Variants in TMEM40 observed in about 807,000 individuals in gnomAD.
TMEM40 encodes the protein transmembrane protein 40.
In TMEM40, 34 loss-of-function variants were observed where a neutral mutation model predicts 40.8. That is an observed-to-expected ratio of 0.83 (90% confidence interval 0.63 to 1.11). The LOEUF is 1.11. Ranked by LOEUF, TMEM40 falls within the 50% of genes least tolerant of loss-of-function variation. The pLI, the probability that TMEM40 is intolerant of heterozygous loss-of-function variation, is 0.00. For missense variants in TMEM40, 296 were observed against 280.2 expected (o/e 1.06, Z -0.40); for synonymous variants, 106 against 107.0 (o/e 0.99, Z 0.06).
chr3:12,755,213 T>TTCTTTCTTTCTC (rs1553634015), intron 1 of TMEM40, among the ~76,000 whole-genome samples: 9 of 94,316 alleles, frequency 9.5e-5, no homozygotes, highest in African/African-American at 3.5e-4. Context: ...CTTTCTTTCT[T>TTCTTTCTTTCTC]TCTCTCTCTC....
In TMEM40 at chr3:12,743,948, G is replaced by A. The variant is rs140722236; in HGVS notation, c.253C>T (p.His85Tyr). The A allele has an allele frequency of 1.1e-5, 17 of 1,613,450 alleles. No individual in the cohort carries two copies. Among genetic ancestry groups the A allele is most frequent in the African/African-American group, 6.7e-5 (5 of 74,926 alleles). ...TATCCAGCCCCCAGGCTCCGTCGAT[G>A]TTTTCCGGTTGCTCTGGGTTGCTGG... ...EDQQPRATGK[H>Y]RRSLGAGYPH... The change falls in exon 4 of 12, where the codon CAT (histidine) becomes TAT (tyrosine). Residue 85 changes from histidine (H) to tyrosine (Y), a missense_variant. Transcript: ENST00000314124.
At chr3:12,744,100 GGT>G in intron 3 of TMEM40, 111 bp from the exon 4 acceptor site, 1 of 1,111,088 alleles carries the variant, frequency 9.0e-7, no homozygotes. Flanking sequence ...AGTGTGGTTT[GGT>G]GGGAGGAACT....
intron 1 of TMEM40, among the ~76,000 whole-genome samples, chr3:12,766,598 A>G (rs1397396004): frequency 6.6e-6 from 1 of 151,864 alleles, no homozygotes; most frequent in Non-Finnish European, 1.5e-5. Context: ...CCATCTCAAA[A>G]AAAAAAAAAA....
At chr3:12,745,673 T>C (rs543964126) in intron 3 of TMEM40, among the ~76,000 whole-genome samples, 1 of 152,168 alleles carries the variant, frequency 6.6e-6, no homozygotes, top group Non-Finnish European at 1.5e-5. Flanking sequence ...GGTCTCGAAC[T>C]CCTGGACTCA....
chr3:12,759,973 A>C (rs1040980964), upstream of TMEM40, among the ~76,000 whole-genome samples: 1 of 17,316 alleles, frequency 5.8e-5, no homozygotes, highest in Non-Finnish European at 1.0e-4. Context: ...CTTGGAGGGA[A>C]ACAGGCAAGG....
At chr3:12,741,545 A>G (rs2061381445) in intron 5 of TMEM40, among the ~76,000 whole-genome samples, 1 of 152,208 alleles carries the variant, frequency 6.6e-6, no homozygotes. Context: ...CAAGCAATGT[A>G]ATTTACCAAG....
intron 6 of TMEM40, 78 bp from the exon 7 acceptor site, chr3:12,738,246 A>G: frequency 6.6e-7 from 1 of 1,503,870 alleles, no homozygotes; most frequent in East Asian, 2.3e-5. Flanking sequence ...GGGGAAGGCT[A>G]TAGGTGACCT....
At chr3:12,736,484 C>G (rs1313237150) in intron 10 of TMEM40, 94 bp downstream of exon 10, 2 of 1,453,786 alleles carry the variant, frequency 1.4e-6, no homozygotes, top group South Asian at 1.3e-5. Context: ...TTGTGACTCT[C>G]TGGTCCATAC....
At chr3:12,744,266 C>G (rs947313798) in intron 3 of TMEM40, among the ~76,000 whole-genome samples, 4 of 152,156 alleles carry the variant, frequency 2.6e-5, no homozygotes, top group Non-Finnish European at 2.9e-5. Context: ...AGATAAGGTC[C>G]CATGAGGCAT....
chr3:12,755,213 TTCTCTCTC>T lies in TMEM40; in HGVS notation c.-9+3970_-9+3977del, dbSNP rs754041538. ...TTCCTTCCTTCCTTTCTTTCTTTCTTTCTCTCTCTCTCTCTCTCTCTCTTTCTTTCTTT... is the reference window on the plus strand; with the variant it reads ...TTCCTTCCTTCCTTTCTTTCTTTCTTTCTCTCTCTCTCTCTTTCTTTCTTT... On this transcript the variant is annotated intron_variant, in intron 1 of 11. Transcript: ENST00000314124. Among the ~76,000 whole-genome samples the T allele has an allele frequency of 1.7e-3, 156 of 94,294 alleles. 4 individuals carry two copies. Among genetic ancestry groups the T allele is most frequent in the African/African-American group, 5.5e-3 (126 of 22,930 alleles). The allele number at this position is 94,294 out of a possible 152,430, so 61.9% of individuals were successfully genotyped here.
intron 8 of TMEM40, 63 bp from the exon 9 acceptor site, chr3:12,736,898 A>G: frequency 1.2e-6 from 2 of 1,605,780 alleles, no homozygotes; most frequent in South Asian, 2.2e-5. Flanking sequence ...TGGGCAGAGG[A>G]GACAAGGTCT....
At chr3:12,746,351 T>C (rs989536418) in intron 3 of TMEM40, among the ~76,000 whole-genome samples, 6 of 152,224 alleles carry the variant, frequency 3.9e-5, no homozygotes, top group African/African-American at 1.4e-4. Context: ...CTAATATGTT[T>C]TGGGTGGTTA....
chr3:12,738,465 A>G, intron 6 of TMEM40, 88 bp downstream of exon 6: 1 of 1,438,710 alleles, frequency 7.0e-7, no homozygotes, highest in Non-Finnish European at 9.8e-7. Flanking sequence ...GTATCCCAAC[A>G]GGTGCTGGCT....
intron 1 of TMEM40, among the ~76,000 whole-genome samples, chr3:12,750,383 G>A (rs1220691832): frequency 6.6e-6 from 1 of 152,066 alleles, no homozygotes; most frequent in African/African-American, 2.4e-5. Flanking sequence ...GGGAATCCTG[G>A]GCCCCGGCCG....
At chr3:12,754,493 A>G (rs1338048846) in intron 1 of TMEM40, among the ~76,000 whole-genome samples, 1 of 152,264 alleles carries the variant, frequency 6.6e-6, no homozygotes, top group Non-Finnish European at 1.5e-5. Flanking sequence ...TAGTAGGTGC[A>G]CAACCAATGT....
upstream of TMEM40, chr3:12,759,487 C>G (rs537417459): frequency 2.0e-5 from 3 of 152,536 alleles, no homozygotes; most frequent in South Asian, 6.2e-4. Flanking sequence ...CTTCAGACTC[C>G]AGGAGACAGT....
chr3:12,737,633 G>A, intron 8 of TMEM40, 74 bp downstream of exon 8: 1 of 1,418,526 alleles, frequency 7.0e-7, no homozygotes, highest in Non-Finnish European at 1.0e-6. Flanking sequence ...GCTGTGCTAG[G>A]CCACCAGCTG....
chr3:12,763,465 TG>T (rs1472164480), upstream of TMEM40, among the ~76,000 whole-genome samples: 1 of 152,124 alleles, frequency 6.6e-6, no homozygotes, highest in Non-Finnish European at 1.5e-5. Context: ...CATTGCCCTG[TG>T]TGTAGGGGGT....
chr3:12,761,408 C>T (rs540434184), upstream of TMEM40, among the ~76,000 whole-genome samples: 3 of 152,040 alleles, frequency 2.0e-5, no homozygotes, highest in Non-Finnish European at 4.4e-5. Context: ...AGTTCAAGAC[C>T]GGCCTGGCCA....
Sources: allele counts gnomAD v4.1 joint callset (sites outside exome capture counted in the v4.1 genomes callset), GRCh38; gene constraint gnomAD v4.1.1; transcripts MANE v1.5; gene names NCBI Gene and HGNC (gene_info 2026-07-23, HGNC 2026-07-21).